The following TMPRSS12 variants were observed in gnomAD, a reference collection of about 807,000 sequenced individuals.
TMPRSS12 encodes the protein transmembrane serine protease 12.
A neutral mutation model predicts 26.0 loss-of-function variants in TMPRSS12; 25 were observed. The observed-to-expected ratio is 0.96, with a 90% CI of 0.70 to 1.34. TMPRSS12 has a LOEUF of 1.34. Among genes scored for constraint, TMPRSS12 ranks in the 40% most tolerant of loss-of-function variants. The pLI is 0.00. For missense variants in TMPRSS12, 441 were observed against 440.1 expected, an observed-to-expected ratio of 1.00 and a Z score of -0.02; for synonymous variants, 150 against 161.7, an observed-to-expected ratio of 0.93 and a Z score of 0.55.
intron 3 of TMPRSS12, among the ~76,000 whole-genome samples, chr12:50,861,627 T>C (rs1307165118): frequency 1.3e-5 from 2 of 152,164 alleles, no homozygotes; most frequent in African/African-American, 4.8e-5. Flanking sequence ...AGCATTGCAA[T>C]GCATTATCTC....
intron 3 of TMPRSS12, among the ~76,000 whole-genome samples, chr12:50,873,932 A>G (rs1036289248): frequency 6.6e-6 from 1 of 152,200 alleles, no homozygotes; most frequent in East Asian, 1.9e-4. Context: ...CAGGAGAAGT[A>G]TTTAAATACT....
intron 2 of TMPRSS12, among the ~76,000 whole-genome samples, chr12:50,846,478 A>G (rs941728509): frequency 3.3e-5 from 5 of 152,088 alleles, no homozygotes; most frequent in East Asian, 1.9e-4. Context: ...TGGGCTCTCA[A>G]TTCTTCTCCA....
intron 4 of TMPRSS12, 90 bp from the exon 5 acceptor site, chr12:50,887,172 G>A (rs1279587706): frequency 2.3e-6 from 3 of 1,279,000 alleles, no homozygotes; most frequent in Non-Finnish European, 2.1e-6. Flanking sequence ...TTATATAAAT[G>A]TATGTTTGAT....
At chr12:50,864,320 G>C (rs192490334) in intron 3 of TMPRSS12, among the ~76,000 whole-genome samples, 1 of 152,076 alleles carries the variant, frequency 6.6e-6, no homozygotes, top group Non-Finnish European at 1.5e-5. Flanking sequence ...TAAAGTTGCA[G>C]TGAAATCGAA....
At chr12:50,846,985 A>G (rs1377748367) in intron 2 of TMPRSS12, among the ~76,000 whole-genome samples, 1 of 143,738 alleles carries the variant, frequency 7.0e-6, no homozygotes, top group African/African-American at 2.7e-5. Context: ...GAATTTTAGG[A>G]TGGGTTTTTC....
chr12:50,887,329 C>A lies in TMPRSS12; in HGVS notation c.863C>A (p.Thr288Asn). The A allele has an allele frequency of 6.2e-7, 1 of 1,613,864 alleles. No individual in the cohort carries two copies. Among genetic ancestry groups the A allele is most frequent in the Non-Finnish European group, 8.5e-7 (1 of 1,179,844 alleles). ...AAAAGATTTTTTGTAATGGGAATTA[C>A]CAGTTACGGACATGGCTGTGGTCGA... ...EYKRFFVMGI[T>N]SYGHGCGRRG... The change falls in exon 5 of 5, where the codon ACC becomes AAC. Residue 288 changes from threonine to asparagine, a missense_variant. Transcript: ENST00000398458.
intron 3 of TMPRSS12, among the ~76,000 whole-genome samples, chr12:50,880,966 C>CTTTTTTTTTTTTTTTT (rs869152225): frequency 6.5e-5 from 4 of 61,786 alleles, no homozygotes; most frequent in Non-Finnish European, 8.6e-5. Flanking sequence ...TCAGTAATTT[C>CTTTTTTTTTTTTTTTT]TTTTTTTTTT....
At chr12:50,860,986 T>C (rs1708783465) in intron 3 of TMPRSS12, among the ~76,000 whole-genome samples, 1 of 152,180 alleles carries the variant, frequency 6.6e-6, no homozygotes, top group Non-Finnish European at 1.5e-5. Flanking sequence ...TCAAGCAATC[T>C]AGCCGCTTCG....
rs1332002252 is a variant in TMPRSS12, at chr12:50,844,077, G to T, written c.383+40G>T. ...CACAACTATTTTTATGCTCTTAGGG[G>T]ATATTTTGAAGTGATAGAGGACCAT... On this transcript the variant is annotated intron_variant, in intron 2 of 4. Transcript: ENST00000398458. 5 of 1,460,300 alleles carry T rather than the reference G, an allele frequency of 3.4e-6. No homozygotes were observed. The highest frequency in any genetic ancestry group is 4.5e-6 in the Non-Finnish European group (5 of 1,104,942). The allele number at this position is 1,460,300 out of a possible 1,614,324, so 90.5% of individuals were successfully genotyped here.
At chr12:50,872,930 G>GTACATATATATGACGTA (rs1938079834) in intron 3 of TMPRSS12, among the ~76,000 whole-genome samples, 4 of 64,148 alleles carry the variant, frequency 6.2e-5, no homozygotes, top group African/African-American at 2.4e-4. Flanking sequence ...CATATATGAT[G>GTACATATATATGACGTA]TATATATGTA....
At chr12:50,851,880 G>A (rs778732811) in intron 2 of TMPRSS12, among the ~76,000 whole-genome samples, 61 of 152,146 alleles carry the variant, frequency 4.0e-4, no homozygotes, top group Admixed American at 7.9e-4. Context: ...AGAAAAGATC[G>A]GGGCAGTCTA....
At chr12:50,885,224 T>C (rs1461816152) in intron 3 of TMPRSS12, 22 bp from the exon 4 acceptor site, 1 of 1,559,942 alleles carries the variant, frequency 6.4e-7, no homozygotes, top group African/African-American at 1.4e-5. Context: ...CAAGATAACT[T>C]ACTGGTATTT....
chr12:50,868,196 A>T (rs1456647251), intron 3 of TMPRSS12, among the ~76,000 whole-genome samples: 1 of 152,244 alleles, frequency 6.6e-6, no homozygotes, highest in African/African-American at 2.4e-5. Flanking sequence ...TAAAAGATAC[A>T]GAACTGCAGA....
chr12:50,873,984 G>A (rs1644345913), intron 3 of TMPRSS12, among the ~76,000 whole-genome samples: 1 of 152,028 alleles, frequency 6.6e-6, no homozygotes, highest in Admixed American at 6.6e-5. Flanking sequence ...TCAAATTTTA[G>A]TAATAGCAAT....
rs1402597915 is a variant in TMPRSS12 at position 50,843,037 on chromosome 12, C to A, written c.73C>A (p.Pro25Thr). The A allele has an allele frequency of 1.9e-6, 3 of 1,605,756 alleles. No individual in the cohort carries two copies. Among genetic ancestry groups the A allele is most frequent in the Admixed American group, 3.4e-5 (2 of 58,674 alleles). The change falls in exon 1 of 5, where the codon CCC (proline) becomes ACC (threonine). Residue 25 changes from proline (P) to threonine (T), a missense_variant. Transcript: ENST00000398458. ...TCACTTATACTCAGACCACTACTCGCCCTCTGGAAGGCACAGGCTCGGCCC... is the reference window on the plus strand; with the variant it reads ...TCACTTATACTCAGACCACTACTCGACCTCTGGAAGGCACAGGCTCGGCCC... ...SSHLYSDHYS[P>T]SGRHRLGPSP...
At chr12:50,869,258 T>C (rs964374172) in intron 3 of TMPRSS12, among the ~76,000 whole-genome samples, 11 of 151,848 alleles carry the variant, frequency 7.2e-5, no homozygotes, top group African/African-American at 2.7e-4. Flanking sequence ...ATTAGCAGGA[T>C]TAACCAAGAA....
intron 2 of TMPRSS12, chr12:50,847,909 A>C (rs1032450857): frequency 2.6e-5 from 4 of 151,684 alleles, no homozygotes; most frequent in Admixed American, 1.3e-4. Context: ...AAATATATAT[A>C]TATATATACA....
chr12:50,885,571 C>A, intron 4 of TMPRSS12, 183 bp downstream of exon 4: 1 of 737,388 alleles, frequency 1.4e-6, no homozygotes, highest in South Asian at 1.6e-5. Context: ...ATGGTTTCTG[C>A]TGTCATCAGT....
At chr12:50,857,541 G>A (rs1195406067) in intron 2 of TMPRSS12, among the ~76,000 whole-genome samples, 4 of 152,212 alleles carry the variant, frequency 2.6e-5, no homozygotes, top group Admixed American at 2.6e-4. Flanking sequence ...GTAAGCAACA[G>A]TGTATAAAGT....
Sources: allele counts gnomAD v4.1 joint callset (sites outside exome capture counted in the v4.1 genomes callset), GRCh38; gene constraint gnomAD v4.1.1; transcripts MANE v1.5; gene names NCBI Gene and HGNC (gene_info 2026-07-23, HGNC 2026-07-21).